Variants in CENPE observed in about 807,000 individuals in gnomAD.
The protein encoded by CENPE is centromere-associated protein E.
CENPE carries 145 observed loss-of-function variants against 336.1 expected under a neutral mutation model. That is an observed-to-expected ratio of 0.43 (90% CI 0.38 to 0.50). The LOEUF (loss-of-function observed/expected upper bound fraction) is 0.50, where lower values mean the gene tolerates loss of function less well. CENPE is among the 20% of genes least tolerant of loss of function. CENPE has a pLI of 0.00. For synonymous variants in CENPE, 1,013 were observed against 984.8 expected (o/e 1.03, Z -0.54); for missense variants, 2,719 against 3,023.3 (o/e 0.90, Z 2.36).
chr4:103,140,511 TCACA>T, intron 36 of CENPE, 97 bp from the exon 37 acceptor site: 2 of 937,620 alleles, frequency 2.1e-6, no homozygotes, highest in Non-Finnish European at 1.5e-6. Flanking sequence ...AATTATACAC[TCACA>T]GTTAAAAACA....
intron 39 of CENPE, among the ~76,000 whole-genome samples, chr4:103,136,770 T>C (rs972539565): frequency 6.6e-6 from 1 of 152,210 alleles, no homozygotes; most frequent in Non-Finnish European, 1.5e-5. Context: ...AGTTAGCAGA[T>C]AAAACAAGTG....
chr4:103,140,172 T>G, intron 37 of CENPE, 84 bp downstream of exon 37: 1 of 1,449,006 alleles, frequency 6.9e-7, no homozygotes, highest in South Asian at 1.3e-5. Context: ...CATATCTATC[T>G]ACATATCTGT....
At chr4:103,195,304 T>C (rs1757654210) in intron 4 of CENPE, 71 bp from the exon 5 acceptor site, 5 of 1,383,108 alleles carry the variant, frequency 3.6e-6, no homozygotes, top group Non-Finnish European at 4.9e-6. Context: ...TAAATGCTCA[T>C]GTGCTTAAAG....
intron 8 of CENPE, among the ~76,000 whole-genome samples, chr4:103,190,257 C>T (rs78336913): frequency 0.18 from 27,314 of 152,088 alleles, 2,585 homozygotes; most frequent in South Asian, 0.31. Flanking sequence ...CCATCAGCTA[C>T]CAATGACTTT....
intron 43 of CENPE, among the ~76,000 whole-genome samples, chr4:103,122,519 G>A (rs1403566012): frequency 1.3e-5 from 2 of 152,094 alleles, no homozygotes; most frequent in Non-Finnish European, 2.9e-5. Flanking sequence ...TTCTCTCCAA[G>A]CTAATATTTG....
intron 42 of CENPE, among the ~76,000 whole-genome samples, chr4:103,129,548 C>CCAA (rs1751406580): frequency 1.3e-5 from 2 of 151,960 alleles, no homozygotes; most frequent in South Asian, 4.2e-4. Flanking sequence ...ACCAGCCTGA[C>CCAA]CAACATGGTG....
chr4:103,130,316 G>A (rs754050041), intron 42 of CENPE, among the ~76,000 whole-genome samples: 13 of 152,114 alleles, frequency 8.5e-5, no homozygotes, highest in African/African-American at 1.9e-4. Context: ...AGCAACTATC[G>A]CAAAGTTGCA....
At chr4:103,107,849 T>C (rs1323111300) in intron 48 of CENPE, among the ~76,000 whole-genome samples, 1 of 152,244 alleles carries the variant, frequency 6.6e-6, no homozygotes. Flanking sequence ...GACGAGGTGA[T>C]GTTTTCAAAA....
rs541980968 is a variant in CENPE at position 103,152,913 on chromosome 4, G to A, written c.3237+134C>T. The A allele has an allele frequency of 1.2e-3, 770 of 666,174 alleles. 9 individuals carry two copies. The South Asian group carries it at 0.016, about 14-fold the overall frequency. 41.3% of individuals were successfully genotyped at this position (666,174 alleles called of 1,614,324 possible). The stretch of plus-strand genomic sequence containing the variant: ...GAAGAGGAAATGGGTAGAGACATTT[G>A]TTAAAAGTCGTCAGACCATACACTT... On this transcript the variant is annotated intron_variant, in intron 25 of 48. Coordinates refer to ENST00000265148, the MANE Select transcript of CENPE (RefSeq NM_001813.3).
At chr4:103,142,240 G>A (rs967726948) in intron 34 of CENPE, among the ~76,000 whole-genome samples, 11 of 152,120 alleles carry the variant, frequency 7.2e-5, no homozygotes, top group African/African-American at 2.2e-4. Context: ...TGTGGCATAT[G>A]TATACGTTGT....
Position 103,139,385 on chromosome 4 carries a change from T to G in CENPE, c.6204+404A>C, listed in dbSNP as rs570321734. Among the ~76,000 whole-genome samples, 77 of 152,254 alleles carry G rather than the reference T, an allele frequency of 5.1e-4. 1 individual carries two copies. In the South Asian group the frequency reaches 0.016, roughly 31 times the overall value. Reference sequence around the variant, plus strand: ...ACTTAATTTTTATATTTATCTTCCCTTTTTTCCTTTTAACTTCACCAATAA... The same window carrying G: ...ACTTAATTTTTATATTTATCTTCCCGTTTTTCCTTTTAACTTCACCAATAA... On this transcript the variant is annotated intron_variant, in intron 38 of 48. Transcript: ENST00000265148.
At chr4:103,152,356 C>A (rs1161516038) in intron 25 of CENPE, among the ~76,000 whole-genome samples, 1 of 152,110 alleles carries the variant, frequency 6.6e-6, no homozygotes, top group Non-Finnish European at 1.5e-5. Flanking sequence ...ATTAAAAGCA[C>A]CAATAAATAT....
At chr4:103,149,779 G>A (rs964823630) in intron 26 of CENPE, among the ~76,000 whole-genome samples, 1 of 152,150 alleles carries the variant, frequency 6.6e-6, no homozygotes, top group African/African-American at 2.4e-5. Context: ...CAAGGAATGC[G>A]AAGGGTAGCT....
At position 103,145,876 on chromosome 4, in the gene CENPE, A is replaced by G. The variant is rs1753010066; in HGVS notation, c.4366T>C (p.Ser1456Pro). The change falls in exon 30 of 49, where the codon TCT becomes CCT. Residue 1456 changes from serine (S) to proline (P), a missense_variant. By Grantham distance (74) the Ser-to-Pro change is moderately conservative. Coordinates refer to ENST00000265148, the MANE Select transcript of CENPE (RefSeq NM_001813.3). ...TTTTCTTTGAGCTGGTCACTTTCAGATTGAAGAACTTCTTGCAGCCTCTGT... is the reference window on the plus strand; with the variant it reads ...TTTTCTTTGAGCTGGTCACTTTCAGGTTGAAGAACTTCTTGCAGCCTCTGT... ...DLQRLQEVLQ[S>P]ESDQLKENIK... The G allele has an allele frequency of 1.2e-6, 2 of 1,613,210 alleles. No homozygotes were observed. Among genetic ancestry groups the G allele is most frequent in the Middle Eastern group, 1.7e-4 (1 of 6,056 alleles).
At chr4:103,138,326 T>C (rs1414361734) in intron 39 of CENPE, 25 bp downstream of exon 39, 1 of 1,463,458 alleles carries the variant, frequency 6.8e-7, no homozygotes, top group Middle Eastern at 1.7e-4. Flanking sequence ...AATAATCATT[T>C]GTAGTTTTAA....
rs1578601762 is a variant in CENPE at position 103,145,054 on chromosome 4, G to T, written c.4853C>A (p.Ala1618Asp). 1.3e-6 allele frequency: 2 copies of T among 1,488,580 alleles called. No homozygotes were observed. Among genetic ancestry groups the T allele is most frequent in the South Asian group, 1.5e-5 (1 of 65,452 alleles). 92.2% of individuals were successfully genotyped at this position (1,488,580 alleles called of 1,614,324 possible). A position where few individuals can be genotyped will look rare whatever the true frequency, so the allele number is the denominator to read the frequency against. Residue 1618 changes from alanine (A) to aspartate (D), a missense_variant, in exon 32 of 49, where the codon GCT (alanine) becomes GAT (aspartate). Transcript: ENST00000265148. ...QLKENTKEIVAKMKESQEKEY... is the reference protein window; with the variant it reads ...QLKENTKEIVDKMKESQEKEY... ...AAAAATAAGATGGGAACTTACTTTA[G>T]CTACAATTTCTTTAGTGTTTTCTTT...
At position 103,145,140 on chromosome 4, in the gene CENPE, A is replaced by G. The variant is rs964315883; in HGVS notation, c.4767T>C (p.Ile1589=). ...CTCTTTTCATTTCCTCTTTTTCCTT[A>G]ATCATAATTTGTATTTCTTCTTGAC... ...QESQEEIQIM[I]KEKEEMKRVQ... The change falls in exon 32 of 49, where the codon ATT becomes ATC. Residue 1589 remains isoleucine, a synonymous_variant. Coordinates refer to ENST00000265148, the MANE Select transcript of CENPE (RefSeq NM_001813.3). 6.2e-7 allele frequency: 1 copy of G among 1,610,756 alleles called. No individual in the cohort carries two copies. Among genetic ancestry groups the G allele is most frequent in the African/African-American group, 1.3e-5 (1 of 74,492 alleles).
intron 45 of CENPE, 111 bp from the exon 46 acceptor site, chr4:103,114,663 G>GT: frequency 1.5e-6 from 1 of 667,182 alleles, no homozygotes; most frequent in South Asian, 1.8e-5. Flanking sequence ...CATAATGCCT[G>GT]TAAGTGGCAG....
At position 103,136,370 on chromosome 4, in the gene CENPE, T is replaced by A. The variant is rs754651782; in HGVS notation, c.6304-11A>T. ...TCTCTTCAAAAGCTCCTAAAGGAAA[T>A]GAGAATTCACTCAATTTATAACAAT... On this transcript the variant is annotated splice_polypyrimidine_tract_variant and intron_variant, in intron 39 of 48. Transcript: ENST00000265148. The A allele has an allele frequency of 4.5e-6, 7 of 1,566,684 alleles. No homozygotes were observed. In the East Asian group the frequency reaches 1.1e-4, roughly 25 times the overall value.
Sources: allele counts gnomAD v4.1 joint callset (sites outside exome capture counted in the v4.1 genomes callset), GRCh38; gene constraint gnomAD v4.1.1; transcripts MANE v1.5; gene names NCBI Gene and HGNC (gene_info 2026-07-23, HGNC 2026-07-21).